The following FAM110B variants were observed in gnomAD, a reference collection of about 807,000 sequenced individuals.
The protein encoded by FAM110B is protein FAM110B.
In FAM110B, 6 loss-of-function variants were observed where a neutral mutation model predicts 20.4. The observed-to-expected ratio is 0.29, with a 90% CI of 0.16 to 0.58. FAM110B has a LOEUF of 0.58. Ranked by LOEUF, FAM110B falls within the 20% of genes least tolerant of loss-of-function variation. The pLI, the probability that FAM110B is intolerant of heterozygous loss-of-function variation, is 0.90. For synonymous variants in FAM110B, 226 were observed against 214.1 expected, an observed-to-expected ratio of 1.06 and a Z score of -0.49; for missense variants, 434 against 498.2, an observed-to-expected ratio of 0.87 and a Z score of 1.23.
chr8:58,145,957 AG>A lies in FAM110B; in HGVS notation c.-271del. On this transcript the variant is annotated 5_prime_UTR_variant, in exon 4 of 4. Transcript: ENST00000519262. ...CCTGGAGGAGACTCCCACCTCCTTCAGGGAGAAGAAAGGAGGCAGCGAAGCA... is the reference window on the plus strand; with the variant it reads ...CCTGGAGGAGACTCCCACCTCCTTCAGGAGAAGAAAGGAGGCAGCGAAGCA... 2.7e-6 allele frequency: 1 copy of A among 371,806 alleles called. No individual in the cohort carries two copies. 23.0% of individuals were successfully genotyped at this position (371,806 alleles called of 1,614,324 possible).
chr8:58,017,611 A>C (rs997540899), intron 1 of FAM110B, among the ~76,000 whole-genome samples: 1 of 152,184 alleles, frequency 6.6e-6, no homozygotes, highest in Non-Finnish European at 1.5e-5. Context: ...GAAGTCCAAA[A>C]GATGTTTTTG....
At position 58,147,994 on chromosome 8, in the gene FAM110B, C is replaced by A. The variant is rs1317276100; in HGVS notation, c.*651C>A. The A allele has an allele frequency of 6.0e-6, 1 of 166,988 alleles. No individual in the cohort carries two copies. The highest frequency in any genetic ancestry group is 1.5e-5 in the Non-Finnish European group (1 of 68,140). The allele number at this position is 166,988 out of a possible 1,614,324, so 10.3% of individuals were successfully genotyped here. On this transcript the variant is annotated 3_prime_UTR_variant, in exon 4 of 4. Coordinates refer to ENST00000519262, the MANE Select transcript of FAM110B (RefSeq NM_001377989.1). The stretch of plus-strand genomic sequence containing the variant: ...ATGTAATACTGACCCCAAGGAAAGA[C>A]GATCAGATACAAAGAAAGATGGTTA...
In FAM110B at chr8:58,146,342, C is replaced by G. The variant is rs1803862938; in HGVS notation, c.112C>G (p.Arg38Gly). ...RILNKGPDYF[R>G]RQAEPNPKRL... is the part of the protein sequence containing the mutation. ...CCTGAACAAGGGGCCAGACTACTTC[C>G]GCAGGCAGGCCGAGCCCAACCCCAA... The change falls in exon 4 of 4, where the codon CGC becomes GGC. Residue 38 changes from arginine to glycine, a missense_variant. By Grantham distance (125) the Arg-to-Gly change is moderately radical. Around this residue, in one of 3 missense-constraint regions of FAM110B, gnomAD observed 56 missense variants for 82.1 expected, o/e 0.68. Coordinates refer to ENST00000519262, the MANE Select transcript of FAM110B (RefSeq NM_001377989.1). The G allele has an allele frequency of 6.2e-7, 1 of 1,613,926 alleles. No homozygotes were observed. Among genetic ancestry groups the G allele is most frequent in the African/African-American group, 1.3e-5 (1 of 74,940 alleles).
chr8:58,090,698 A>C (rs2150603252), intron 3 of FAM110B, among the ~76,000 whole-genome samples: 1 of 152,274 alleles, frequency 6.6e-6, no homozygotes, highest in African/African-American at 2.4e-5. Context: ...AGTTTACTCA[A>C]AATAAAGGCT....
chr8:58,034,345 A>G (rs1163927335), intron 2 of FAM110B, among the ~76,000 whole-genome samples: 1 of 152,202 alleles, frequency 6.6e-6, no homozygotes, highest in Admixed American at 6.5e-5. Context: ...GGAGTGTCCC[A>G]GCTGGATTTA....
intron 1 of FAM110B, among the ~76,000 whole-genome samples, chr8:58,019,063 G>A (rs1396573337): frequency 9.9e-5 from 15 of 152,144 alleles, no homozygotes; most frequent in South Asian, 8.3e-4. Flanking sequence ...AAGGCCAGGC[G>A]CGGTGGCTCA....
chr8:58,047,722 T>C (rs1563350537), intron 2 of FAM110B, among the ~76,000 whole-genome samples: 1 of 151,416 alleles, frequency 6.6e-6, no homozygotes, highest in Non-Finnish European at 1.5e-5. Context: ...ATTCTATCTG[T>C]ACAGTTTATA....
chr8:58,115,176 A>C (rs1253403505), intron 3 of FAM110B, among the ~76,000 whole-genome samples: 1 of 151,706 alleles, frequency 6.6e-6, no homozygotes, highest in Non-Finnish European at 1.5e-5. Context: ...CTTAAAGACT[A>C]CTTTCCTGGC....
At chr8:58,041,553 A>T (rs564347547) in intron 2 of FAM110B, among the ~76,000 whole-genome samples, 8 of 152,288 alleles carry the variant, frequency 5.3e-5, no homozygotes, top group African/African-American at 1.9e-4. Context: ...TTCTGCAGCT[A>T]CTGCCCATGT....
At chr8:58,065,370 G>A (rs1334208161) in intron 2 of FAM110B, among the ~76,000 whole-genome samples, 1 of 152,082 alleles carries the variant, frequency 6.6e-6, no homozygotes, top group Non-Finnish European at 1.5e-5. Flanking sequence ...TTATTCCACG[G>A]TCCATGTAGA....
At chr8:58,095,398 A>G (rs937447792) in intron 3 of FAM110B, among the ~76,000 whole-genome samples, 1 of 152,124 alleles carries the variant, frequency 6.6e-6, no homozygotes, top group African/African-American at 2.4e-5. Context: ...TTCCCTCTAA[A>G]CACTGCTTTA....
intron 1 of FAM110B, among the ~76,000 whole-genome samples, chr8:58,025,789 T>A (rs924744781): frequency 6.6e-6 from 1 of 152,234 alleles, no homozygotes; most frequent in Non-Finnish European, 1.5e-5. Context: ...TATCATGAGC[T>A]GTATAACCTC....
At chr8:58,084,328 A>T (rs1228710209) in intron 3 of FAM110B, among the ~76,000 whole-genome samples, 1 of 151,674 alleles carries the variant, frequency 6.6e-6, no homozygotes, top group Non-Finnish European at 1.5e-5. Flanking sequence ...TTTCTAATTT[A>T]TGTGGTTCTA....
intron 2 of FAM110B, among the ~76,000 whole-genome samples, chr8:58,036,517 G>C (rs940335266): frequency 5.9e-5 from 9 of 152,144 alleles, no homozygotes; most frequent in African/African-American, 1.9e-4. Flanking sequence ...TTGCCCACAG[G>C]TTAGGATTTG....
intron 3 of FAM110B, among the ~76,000 whole-genome samples, chr8:58,084,732 A>G (rs992600486): frequency 3.3e-5 from 5 of 151,896 alleles, no homozygotes; most frequent in Non-Finnish European, 5.9e-5. Flanking sequence ...AAGTCTTACC[A>G]CCATGTACAC....
chr8:58,144,824 G>T (rs546039445), intron 3 of FAM110B, among the ~76,000 whole-genome samples: 3 of 152,254 alleles, frequency 2.0e-5, no homozygotes, highest in Admixed American at 6.5e-5. Flanking sequence ...GTTTCCAGGG[G>T]CTGCAGGGTA....
chr8:58,137,429 C>T (rs1479313499), intron 3 of FAM110B, among the ~76,000 whole-genome samples: 1 of 152,168 alleles, frequency 6.6e-6, no homozygotes, highest in Non-Finnish European at 1.5e-5. Flanking sequence ...GGCGTAGTGG[C>T]AGGCGCCTGT....
chr8:58,085,580 C>A (rs1416493101), intron 3 of FAM110B, among the ~76,000 whole-genome samples: 2 of 152,110 alleles, frequency 1.3e-5, no homozygotes, highest in Non-Finnish European at 2.9e-5. Flanking sequence ...GGCCTATGAG[C>A]CAGAGAGATG....
chr8:58,022,167 G>A (rs1015507449), intron 1 of FAM110B, among the ~76,000 whole-genome samples: 2 of 152,200 alleles, frequency 1.3e-5, no homozygotes, highest in Admixed American at 1.3e-4. Flanking sequence ...GAGAAAGACC[G>A]AACTCTGTGC....
Sources: gnomAD v4.1 joint callset for allele counts (sites outside exome capture counted in the v4.1 genomes callset) on GRCh38, gnomAD v4.1.1 for gene constraint, gnomAD v4.1.1 regional missense constraint, MANE v1.5 for transcripts, NCBI Gene and HGNC (gene_info 2026-07-23, HGNC 2026-07-21) for gene names.